The following ESYT2 variants were observed in gnomAD, a reference collection of about 807,000 sequenced individuals.
ESYT2 encodes extended synaptotagmin-2.
In ESYT2, 54 loss-of-function variants were observed where a neutral mutation model predicts 107.2. The ratio of observed to expected loss-of-function variants is 0.50; its 90% CI spans 0.40 to 0.63. ESYT2 has a LOEUF of 0.63. ESYT2 is among the 30% of genes least tolerant of loss of function. ESYT2 has a pLI of 0.00. For synonymous variants in ESYT2, 491 were observed against 434.1 expected (o/e 1.13, Z -1.63); for missense variants, 1,020 against 1,094.5 (o/e 0.93, Z 0.96).
intron 13 of ESYT2, among the ~76,000 whole-genome samples, chr7:158,757,325 G>T (rs1182950514): frequency 6.6e-6 from 1 of 152,202 alleles, no homozygotes; most frequent in African/African-American, 2.4e-5. Flanking sequence ...AACCCCGGAG[G>T]ACTCACAAAT....
rs575690426 is a variant in ESYT2, at chr7:158,781,095, CACA to C, written c.747+6906_747+6908del. Among the ~76,000 whole-genome samples, 807 of 152,244 alleles carry C rather than the reference CACA, an allele frequency of 5.3e-3. 5 individuals are homozygous for C. Among genetic ancestry groups the C allele is most frequent in the Non-Finnish European group, 8.4e-3 (572 of 68,026 alleles). On this transcript the variant is annotated intron_variant, in intron 6 of 22. Coordinates refer to ENST00000275418, the MANE Select transcript of ESYT2 (RefSeq NM_001367773.1). ...AGCAAATGTGAGAACAAATGTGAGACACAACATGTCAGAACAAGTACGAGAGAA... is the reference window on the plus strand; with the variant it reads ...AGCAAATGTGAGAACAAATGTGAGACACATGTCAGAACAAGTACGAGAGAA...
intron 1 of ESYT2, among the ~76,000 whole-genome samples, chr7:158,827,816 C>T (rs139439039): frequency 1.3e-5 from 2 of 152,296 alleles, no homozygotes; most frequent in East Asian, 3.9e-4. Flanking sequence ...GTCACCTTCA[C>T]CCCAAAGTTT....
intron 3 of ESYT2, among the ~76,000 whole-genome samples, chr7:158,794,562 G>A (rs537428736): frequency 8.5e-5 from 13 of 152,116 alleles, no homozygotes; most frequent in African/African-American, 2.4e-4. Context: ...AGGTGGAGGC[G>A]GAAGAAACAC....
At chr7:158,764,563 A>C (rs1838083925) in intron 9 of ESYT2, 114 bp downstream of exon 9, 1 of 1,081,576 alleles carries the variant, frequency 9.2e-7, no homozygotes, top group Non-Finnish European at 1.3e-6. Flanking sequence ...GGAACATTTA[A>C]ATGATGGCCT....
Position 158,773,379 on chromosome 7 carries a change from C to A in ESYT2, c.765G>T (p.Trp255Cys). The change falls in exon 7 of 23, where the codon TGG becomes TGT. Residue 255 changes from tryptophan (W) to cysteine (C), a missense_variant. Transcript: ENST00000275418. ...CATCCAGAAGATTCGTCAGTCCTGT[C>A]CAGTTAATTTCTAAAAGCTGTTTTA... ...FLRKPLLEIN[W>C]TGLTNLLDVP... The A allele has an allele frequency of 5.0e-6, 8 of 1,614,092 alleles. No individual in the cohort carries two copies. Among genetic ancestry groups the A allele is most frequent in the Non-Finnish European group, 6.8e-6 (8 of 1,180,008 alleles).
At chr7:158,818,822 A>G (rs570007647) in intron 1 of ESYT2, among the ~76,000 whole-genome samples, 2 of 152,320 alleles carry the variant, frequency 1.3e-5, no homozygotes, top group East Asian at 3.9e-4. Context: ...ACCCACACCC[A>G]CCAGAGCCAG....
chr7:158,785,174 G>C (rs1839065495), intron 6 of ESYT2, among the ~76,000 whole-genome samples: 1 of 152,142 alleles, frequency 6.6e-6, no homozygotes, highest in African/African-American at 2.4e-5. Flanking sequence ...TGTAATCCCA[G>C]TACTCTGGGA....
Position 158,829,096 on chromosome 7 carries a change from G to T in ESYT2, c.323C>A (p.Pro108His). 1 of 1,584,252 alleles carries T rather than the reference G, an allele frequency of 6.3e-7. No homozygotes were observed. The highest frequency in any genetic ancestry group is 1.1e-5 in the South Asian group (1 of 89,664). ...GCAGGGGTCTGCACTCACCCAGGCGGGCAGGTCGCAGGCGCGCACCCCCAG... is the reference window on the plus strand; with the variant it reads ...GCAGGGGTCTGCACTCACCCAGGCGTGCAGGTCGCAGGCGCGCACCCCCAG... ...VRLGVRACDL[P>H]AWVHFPDTER... Residue 108 changes from proline (P) to histidine (H), a missense_variant, in exon 1 of 23, where the codon CCC (proline) becomes CAC (histidine). Physicochemically the swap from Pro to His is moderately conservative, Grantham distance 77. Transcript: ENST00000275418.
chr7:158,765,644 G>A (rs1476923250), intron 8 of ESYT2, among the ~76,000 whole-genome samples: 1 of 152,112 alleles, frequency 6.6e-6, no homozygotes, highest in Non-Finnish European at 1.5e-5. Context: ...GCTGGGGTGT[G>A]AGAATCCCTT....
chr7:158,796,847 G>C (rs1839474311), intron 3 of ESYT2, among the ~76,000 whole-genome samples: 2 of 151,546 alleles, frequency 1.3e-5, no homozygotes, highest in African/African-American at 2.4e-5. Context: ...CAACAAGACA[G>C]CCTCCCAACA....
At chr7:158,774,245 A>G (rs1426843245) in intron 6 of ESYT2, among the ~76,000 whole-genome samples, 1 of 152,242 alleles carries the variant, frequency 6.6e-6, no homozygotes, top group Non-Finnish European at 1.5e-5. Context: ...AAGCAAATAT[A>G]AAGTGGAAGA....
chr7:158,760,301 C>G (rs924404036), intron 11 of ESYT2, among the ~76,000 whole-genome samples, 154 bp from the exon 12 acceptor site: 2 of 152,240 alleles, frequency 1.3e-5, no homozygotes, highest in Admixed American at 1.3e-4. Flanking sequence ...ATATCCAGCT[C>G]TACGCTATGT....
At chr7:158,828,516 G>A (rs1417198339) in intron 1 of ESYT2, among the ~76,000 whole-genome samples, 2 of 152,216 alleles carry the variant, frequency 1.3e-5, no homozygotes, top group African/African-American at 4.8e-5. Flanking sequence ...TCTGCAGGCC[G>A]GGGGAGGGAA....
intron 1 of ESYT2, among the ~76,000 whole-genome samples, chr7:158,828,642 G>A (rs904972960): frequency 6.6e-6 from 1 of 152,216 alleles, no homozygotes. Context: ...GCGGAGAAGG[G>A]GACGCCCGAC....
intron 1 of ESYT2, among the ~76,000 whole-genome samples, chr7:158,806,058 C>CGGCGCCGGGGTACACCGCGTGGGA (rs1839817254): frequency 1.3e-5 from 1 of 76,662 alleles, no homozygotes; most frequent in Admixed American, 1.5e-4. Flanking sequence ...GCAGCAGAGC[C>CGGCGCCGGGGTACACCGCGTGGGA]GGCGCCGGGG....
intron 6 of ESYT2, among the ~76,000 whole-genome samples, chr7:158,783,894 G>A (rs944812096): frequency 6.6e-6 from 1 of 152,336 alleles, no homozygotes; most frequent in East Asian, 1.9e-4. Flanking sequence ...CCACCTTAAG[G>A]GACAGAAGCC....
In ESYT2 at chr7:158,771,398, GC is replaced by G. The variant is rs772426233; in HGVS notation, c.803+1942del. On this transcript the variant is annotated intron_variant, in intron 7 of 22. Transcript: ENST00000275418. Reference sequence around the variant, plus strand: ...AGAGAAAGTTTTTGCTTTGGGGGATGCCCCCATTCACTGGAATTTCCATTTC... The same window carrying G: ...AGAGAAAGTTTTTGCTTTGGGGGATGCCCCATTCACTGGAATTTCCATTTC... Among the ~76,000 whole-genome samples the G allele has an allele frequency of 9.8e-5, 15 of 152,354 alleles. No homozygotes were observed. The East Asian group carries it at 2.9e-3, about 29-fold the overall frequency.
rs112859162 is a variant in ESYT2 at position 158,797,293 on chromosome 7, G to A, written c.507+649C>T. On this transcript the variant is annotated intron_variant, in intron 3 of 22. Coordinates refer to ENST00000275418, the MANE Select transcript of ESYT2 (RefSeq NM_001367773.1). Reference sequence around the variant, plus strand: ...CTTCTATGTAGTTCTGACCATATACGTGCACCACCACACCCAGCTAACTTT... The same window carrying A: ...CTTCTATGTAGTTCTGACCATATACATGCACCACCACACCCAGCTAACTTT... 4.9e-3 allele frequency among the ~76,000 whole-genome samples: 750 copies of A among 151,978 alleles called. 3 individuals carry two copies. The highest frequency in any genetic ancestry group is 0.017 in the African/African-American group (695 of 41,470).
intron 1 of ESYT2, among the ~76,000 whole-genome samples, chr7:158,807,700 G>A (rs1373597466): frequency 6.6e-6 from 1 of 152,090 alleles, no homozygotes; most frequent in Non-Finnish European, 1.5e-5. Context: ...GGCACTTACG[G>A]GCCATGAGGT....
Sources: allele counts gnomAD v4.1 joint callset (sites outside exome capture counted in the v4.1 genomes callset), GRCh38; gene constraint gnomAD v4.1.1; transcripts MANE v1.5; gene names NCBI Gene and HGNC (gene_info 2026-07-23, HGNC 2026-07-21).